Variants in IL1RAPL1 observed in about 807,000 individuals in gnomAD.
IL1RAPL1 encodes the protein interleukin 1 receptor accessory protein like 1.
IL1RAPL1 carries 3 observed loss-of-function variants against 48.4 expected under a neutral mutation model. The observed-to-expected ratio is 0.06, with a 90% CI of 0.03 to 0.16. The LOEUF (loss-of-function observed/expected upper bound fraction) is 0.16, where lower values mean the gene tolerates loss of function less well. Ranked by LOEUF, IL1RAPL1 falls within the 10% of genes least tolerant of loss-of-function variation. The pLI is 1.00. For missense variants in IL1RAPL1, 349 were observed against 530.6 expected, an observed-to-expected ratio of 0.66 and a Z score of 3.36; for synonymous variants, 185 against 187.7, an observed-to-expected ratio of 0.99 and a Z score of 0.12.
intron 1 of IL1RAPL1, among the ~76,000 whole-genome samples, chrX:28,740,497 A>AT (rs1473577464): frequency 9.0e-6 from 1 of 110,755 alleles, no homozygotes; most frequent in African/African-American, 3.3e-5. Context: ...TCATAAATTT[A>AT]TTTTTTTTCC....
intron 2 of IL1RAPL1, among the ~76,000 whole-genome samples, chrX:28,946,058 A>G (rs1443771743): frequency 9.1e-6 from 1 of 109,878 alleles, no homozygotes; most frequent in Non-Finnish European, 1.9e-5. Flanking sequence ...TGTGATACAA[A>G]TATATAGTGA....
At chrX:29,894,046 C>T (rs1315325559) in intron 6 of IL1RAPL1, among the ~76,000 whole-genome samples, 1 of 112,186 alleles carries the variant, frequency 8.9e-6, no homozygotes, top group African/African-American at 3.2e-5. Flanking sequence ...ATTTTTCATT[C>T]ATGCTCGATT....
chrX:28,988,460 C>A (rs1409571908), intron 2 of IL1RAPL1, among the ~76,000 whole-genome samples: 2 of 111,238 alleles, frequency 1.8e-5, no homozygotes, highest in African/African-American at 3.3e-5. Flanking sequence ...ATAGCTTTGT[C>A]AGGACCTCCT....
intron 3 of IL1RAPL1, among the ~76,000 whole-genome samples, chrX:29,344,760 C>T (rs766341224): frequency 3.1e-4 from 35 of 112,219 alleles, no homozygotes; most frequent in African/African-American, 1.1e-3. Context: ...GTCTCAGCCT[C>T]CCCAGTAGCT....
At chrX:29,211,394 T>G (rs191248284) in intron 2 of IL1RAPL1, among the ~76,000 whole-genome samples, 1 of 111,839 alleles carries the variant, frequency 8.9e-6, no homozygotes, top group Non-Finnish European at 1.9e-5. Context: ...TGGCCATGGG[T>G]GTCCTGAAGT....
At chrX:29,450,452 A>G (rs932738877) in intron 5 of IL1RAPL1, among the ~76,000 whole-genome samples, 1 of 111,788 alleles carries the variant, frequency 8.9e-6, no homozygotes, top group Non-Finnish European at 1.9e-5. Context: ...GACAATATAT[A>G]ATCAAATGAG....
intron 8 of IL1RAPL1, among the ~76,000 whole-genome samples, chrX:29,937,641 G>A (rs59049759): frequency 2.7e-5 from 3 of 112,011 alleles, no homozygotes; most frequent in African/African-American, 3.2e-5. Context: ...TGTATAATGT[G>A]TAGGCTTGTA....
chrX:29,622,207 T>A (rs1174856228), intron 5 of IL1RAPL1, among the ~76,000 whole-genome samples: 4 of 112,474 alleles, frequency 3.6e-5, no homozygotes, highest in African/African-American at 1.3e-4. Flanking sequence ...CTTGTGGTAA[T>A]CAATAGCATA....
In IL1RAPL1 at chrX:28,998,861, C is replaced by T. The variant is rs752541795; in HGVS notation, c.82+209436C>T. ...GCTATTCCAAGCCTTCTTTCAACAG[C>T]GGAGTATAAACTAGGGCCTGAACTT... is the stretch of plus-strand genomic sequence containing the variant. On this transcript the variant is annotated intron_variant, in intron 2 of 10. Transcript: ENST00000378993. Among the ~76,000 whole-genome samples the T allele has an allele frequency of 4.5e-5, 5 of 111,746 alleles. No homozygotes were observed. The East Asian group carries it at 1.1e-3, about 25-fold the overall frequency.
At chrX:28,649,646 G>A (rs192608756) in intron 1 of IL1RAPL1, among the ~76,000 whole-genome samples, 1 of 112,397 alleles carries the variant, frequency 8.9e-6, no homozygotes, top group Non-Finnish European at 1.9e-5. Flanking sequence ...CGTTATTTGA[G>A]ATGTTCTTTG....
rs1343806702 is a variant in IL1RAPL1, at chrX:28,983,184, A to G, written c.82+193759A>G. Among the ~76,000 whole-genome samples the G allele has an allele frequency of 6.3e-5, 7 of 111,787 alleles. No individual in the cohort carries two copies. In the East Asian group the frequency reaches 2.0e-3, roughly 32 times the overall value. On this transcript the variant is annotated intron_variant, in intron 2 of 10. Coordinates refer to ENST00000378993, the MANE Select transcript of IL1RAPL1 (RefSeq NM_014271.4). ...TCTCTATCCACATTTGGATTATTTA[A>G]ATTACTTGGAGAGCCAAGGTGGCTC... is the stretch of plus-strand genomic sequence containing the variant.
At chrX:28,946,514 C>T (rs753626621) in intron 2 of IL1RAPL1, among the ~76,000 whole-genome samples, 1 of 111,085 alleles carries the variant, frequency 9.0e-6, no homozygotes, top group Non-Finnish European at 1.9e-5. Context: ...CTTATACAAA[C>T]CACTCCAGAG....
intron 8 of IL1RAPL1, among the ~76,000 whole-genome samples, chrX:29,930,667 T>C (rs1019423948): frequency 1.8e-5 from 2 of 112,055 alleles, no homozygotes; most frequent in Admixed American, 9.5e-5. Context: ...AAATCTATTT[T>C]GGTATAGCTA....
At chrX:28,830,801 C>G (rs1017605553) in intron 2 of IL1RAPL1, among the ~76,000 whole-genome samples, 8 of 110,484 alleles carry the variant, frequency 7.2e-5, no homozygotes, top group African/African-American at 2.6e-4. Context: ...CTGTCCTCCT[C>G]CCTGAAGCTC....
At chrX:29,074,089 C>A (rs1927621533) in intron 2 of IL1RAPL1, among the ~76,000 whole-genome samples, 2 of 111,801 alleles carry the variant, frequency 1.8e-5, no homozygotes, top group African/African-American at 6.5e-5. Context: ...ATCATGTTAT[C>A]CTTTCAACAA....
intron 1 of IL1RAPL1, among the ~76,000 whole-genome samples, chrX:28,674,684 C>T (rs1042086503): frequency 1.1e-4 from 12 of 111,380 alleles, no homozygotes; most frequent in African/African-American, 3.9e-4. Flanking sequence ...GAGAAACTAC[C>T]TGAGAATTTT....
At chrX:29,537,947 G>A (rs1325212076) in intron 5 of IL1RAPL1, among the ~76,000 whole-genome samples, 1 of 111,229 alleles carries the variant, frequency 9.0e-6, no homozygotes, top group Non-Finnish European at 1.9e-5. Flanking sequence ...TGACCATTAA[G>A]AAACTAGTAA....
chrX:28,795,493 G>A (rs1936600007), intron 2 of IL1RAPL1, among the ~76,000 whole-genome samples: 1 of 111,200 alleles, frequency 9.0e-6, no homozygotes, highest in South Asian at 3.8e-4. Flanking sequence ...CTGCTTCATG[G>A]TGAGTTAAGG....
intron 1 of IL1RAPL1, among the ~76,000 whole-genome samples, chrX:28,597,561 G>A (rs745518647): frequency 6.3e-5 from 7 of 110,395 alleles, no homozygotes; most frequent in Admixed American, 9.7e-5. Flanking sequence ...GTGAAACCCC[G>A]TCTCTACTAA....
Sources: allele counts gnomAD v4.1 joint callset (sites outside exome capture counted in the v4.1 genomes callset), GRCh38; gene constraint gnomAD v4.1.1; transcripts MANE v1.5; gene names NCBI Gene and HGNC (gene_info 2026-07-23, HGNC 2026-07-21).